The following HELB variants were observed in gnomAD, a reference collection of about 807,000 sequenced individuals.
HELB encodes DNA 5'-3' helicase B.
A neutral mutation model predicts 101.7 loss-of-function variants in HELB; 96 were observed. The ratio of observed to expected loss-of-function variants is 0.94; its 90% CI spans 0.80 to 1.12. The LOEUF is 1.12. Among genes scored for constraint, HELB ranks in the 50% most tolerant of loss-of-function variants. The pLI is 0.00. For missense variants in HELB, 1,210 were observed against 1,291.9 expected, an observed-to-expected ratio of 0.94 and a Z score of 0.97; for synonymous variants, 437 against 459.7, an observed-to-expected ratio of 0.95 and a Z score of 0.63.
chr12:66,302,694 G>A lies in HELB; in HGVS notation c.91G>A (p.Asp31Asn). ...LVEEDDDYLN[D>N]DVEEDEESVF... ...GGAGGAGGACGACGACTACCTAAAC[G>A]ACGACGTGGAGGAGGATGAAGAGTC... Residue 31 changes from aspartate (D) to asparagine (N), a missense_variant, in exon 1 of 13, where the codon GAC becomes AAC. By Grantham distance (23) the Asp-to-Asn change is conservative (BLOSUM62 1). This residue lies in a region of HELB where 470 missense variants were observed against 563.1 expected (regional missense o/e 0.83). Transcript: ENST00000247815. 1 of 1,614,126 alleles carries A rather than the reference G, an allele frequency of 6.2e-7. No individual in the cohort carries two copies. Among genetic ancestry groups the A allele is most frequent in the African/African-American group, 1.3e-5 (1 of 75,060 alleles).
chr12:66,310,662 T>C, intron 4 of HELB, 54 bp downstream of exon 4: 2 of 1,514,792 alleles, frequency 1.3e-6, no homozygotes, highest in Non-Finnish European at 1.8e-6. Flanking sequence ...CCGGGCACAG[T>C]GGCTCACGCC....
In HELB at chr12:66,324,133, T is replaced by C. The variant is rs763600627; in HGVS notation, c.2448T>C (p.Leu816=). The change falls in exon 10 of 13, where the codon CTT becomes CTC. Residue 816 remains leucine (L), a synonymous_variant. Transcript: ENST00000247815. ...GTAGTGAAGACTTTTCTGGTACGCT[T>C]CCTGATTTTGCTAAAAATAAGCGTG... The part of the protein sequence containing the change: ...DASSEDFSGT[L]PDFAKNKRDF... The C allele has an allele frequency of 1.9e-6, 3 of 1,613,976 alleles. No individual in the cohort carries two copies. The South Asian group carries it at 3.3e-5, about 18-fold the overall frequency.
intron 2 of HELB, among the ~76,000 whole-genome samples, chr12:66,305,764 A>G (rs1370632376): frequency 1.3e-5 from 2 of 151,618 alleles, no homozygotes; most frequent in Non-Finnish European, 2.9e-5. Context: ...AAAAAAAATC[A>G]GTTGTAAATG....
At chr12:66,305,785 A>C (rs1592629584) in intron 2 of HELB, among the ~76,000 whole-genome samples, 2 of 152,246 alleles carry the variant, frequency 1.3e-5, no homozygotes, top group Middle Eastern at 6.8e-3. Context: ...ATTCTGTTTA[A>C]AGAGGTAGAG....
chr12:66,309,733 C>A lies in HELB; in HGVS notation c.805C>A (p.Arg269=). 1 of 1,610,668 alleles carries A rather than the reference C, an allele frequency of 6.2e-7. No individual in the cohort carries two copies. Among genetic ancestry groups the A allele is most frequent in the Non-Finnish European group, 8.5e-7 (1 of 1,177,870 alleles). ...KITYREWKLL[R]CEASWIAFCQ... is the part of the protein sequence containing the mutation. ...AACCTACAGAGAGTGGAAACTCCTG[C>A]GATGTGAGGCAAGTTGGATAGCATT... The change falls in exon 4 of 13, where the codon CGA becomes AGA. Residue 269 remains arginine, a synonymous_variant. Transcript: ENST00000247815.
downstream of HELB, chr12:66,342,471 T>C (rs1440073462): frequency 6.6e-6 from 1 of 151,688 alleles, no homozygotes; most frequent in Non-Finnish European, 1.5e-5. Context: ...GCCTCTCAGG[T>C]TCATGCCATT....
chr12:66,334,780 A>AAAATAAAT (rs59458642), intron 12 of HELB, among the ~76,000 whole-genome samples: 1 of 151,072 alleles, frequency 6.6e-6, no homozygotes, highest in African/African-American at 2.4e-5. Context: ...CCCTGTCTCA[A>AAAATAAAT]AAATAAATAA....
intron 10 of HELB, 141 bp from the exon 11 acceptor site, chr12:66,324,842 A>G: frequency 9.9e-7 from 1 of 1,007,112 alleles, no homozygotes; most frequent in South Asian, 1.4e-5. Context: ...CTGAAATGCA[A>G]ATTTTAAGCC....
Position 66,305,113 on chromosome 12 carries a change from C to T in HELB, c.570C>T (p.Phe190=). 6.3e-7 allele frequency: 1 copy of T among 1,583,104 alleles called. No homozygotes were observed. The highest frequency in any genetic ancestry group is 8.5e-7 in the Non-Finnish European group (1 of 1,170,106). ...CACAGAATGGTCAGGAAGAGTTGTT[C>T]CTAGACAATGAGATGAGTCTTCCTC... ...QPTQNGQEEL[F]LDNEMSLPLE... The change falls in exon 2 of 13, where the codon TTC becomes TTT. Residue 190 remains phenylalanine (F), a synonymous_variant. Coordinates refer to ENST00000247815, the MANE Select transcript of HELB (RefSeq NM_001370285.1).
At chr12:66,312,430 C>G (rs1176101789) in intron 4 of HELB, among the ~76,000 whole-genome samples, 1 of 152,202 alleles carries the variant, frequency 6.6e-6, no homozygotes, top group Admixed American at 6.5e-5. Flanking sequence ...CTTATCATAT[C>G]TTGCCTGTTA....
chr12:66,313,043 T>A (rs1171604721), intron 4 of HELB, among the ~76,000 whole-genome samples: 2 of 152,114 alleles, frequency 1.3e-5, no homozygotes. Flanking sequence ...TCTAAGATAA[T>A]AAATTGAATA....
At chr12:66,326,536 C>T (rs776711335) in intron 11 of HELB, among the ~76,000 whole-genome samples, 8 of 152,080 alleles carry the variant, frequency 5.3e-5, no homozygotes, top group South Asian at 4.2e-4. Flanking sequence ...CCACTGCACC[C>T]GGCCCAACCC....
chr12:66,313,519 G>T (rs1253034618), intron 4 of HELB, among the ~76,000 whole-genome samples: 1 of 152,048 alleles, frequency 6.6e-6, no homozygotes, highest in East Asian at 1.9e-4. Context: ...GAATTTTGTT[G>T]TTTATTTGTT....
Position 66,331,415 on chromosome 12 carries a change from C to A in HELB, c.2932C>A (p.Pro978Thr), listed in dbSNP as rs1025406786. 15 of 1,614,068 alleles carry A rather than the reference C, an allele frequency of 9.3e-6. No homozygotes were observed. The highest frequency in any genetic ancestry group is 4.5e-5 in the East Asian group (2 of 44,896). Residue 978 changes from proline to threonine, a missense_variant, in exon 12 of 13, where the codon CCC becomes ACC. By Grantham distance (38) the Pro-to-Thr change is conservative (BLOSUM62 -1). Around this residue, in one of 2 missense-constraint regions of HELB, gnomAD observed 740 missense variants for 728.8 expected, o/e 1.02. Coordinates refer to ENST00000247815, the MANE Select transcript of HELB (RefSeq NM_001370285.1). ...PRKSSGDSGG[P>T]STPSASPLPV... ...GAAGAGCTCTGGAGACAGTGGAGGA[C>A]CCAGCACACCGTCAGCATCTCCACT...
chr12:66,330,426 C>A (rs947018264), intron 11 of HELB, among the ~76,000 whole-genome samples: 2 of 151,762 alleles, frequency 1.3e-5, no homozygotes, highest in Non-Finnish European at 2.9e-5. Flanking sequence ...GGTAGAATTT[C>A]TCTCTTTTTT....
In HELB at chr12:66,331,225, C is replaced by A. The variant is rs768513117; in HGVS notation, c.2742C>A (p.Thr914=). 6.2e-7 allele frequency: 1 copy of A among 1,614,106 alleles called. No individual in the cohort carries two copies. Among genetic ancestry groups the A allele is most frequent in the African/African-American group, 1.3e-5 (1 of 75,050 alleles). ...AGRQHWQHVY[T]AVTRGRCRVY... is the part of the protein sequence containing the mutation. The stretch of plus-strand genomic sequence containing the variant: ...GCCAGCACTGGCAGCATGTCTACAC[C>A]GCCGTGACCAGGGGCCGCTGCCGAG... Residue 914 remains threonine, a synonymous_variant, in exon 12 of 13, where the codon ACC becomes ACA. Transcript: ENST00000247815.
chr12:66,322,902 C>A (rs1402936252), intron 9 of HELB, 119 bp downstream of exon 9: 3 of 556,054 alleles, frequency 5.4e-6, no homozygotes, highest in South Asian at 2.8e-5. Context: ...TTTTTTTTCC[C>A]ATTTGTGAAA....
intron 1 of HELB, among the ~76,000 whole-genome samples, chr12:66,303,493 C>G (rs998358865): frequency 5.3e-5 from 8 of 151,834 alleles, no homozygotes; most frequent in African/African-American, 1.7e-4. Flanking sequence ...ATTAGCCGGG[C>G]GTGATGTCGC....
intron 7 of HELB, among the ~76,000 whole-genome samples, chr12:66,319,782 C>T (rs942600497): frequency 6.6e-6 from 1 of 151,866 alleles, no homozygotes; most frequent in Non-Finnish European, 1.5e-5. Flanking sequence ...AGTGTGTGTC[C>T]CCAGTCTCAC....
Sources: gnomAD v4.1 joint callset for allele counts (sites outside exome capture counted in the v4.1 genomes callset) on GRCh38, gnomAD v4.1.1 for gene constraint, gnomAD v4.1.1 regional missense constraint, MANE v1.5 for transcripts, NCBI Gene and HGNC (gene_info 2026-07-23, HGNC 2026-07-21) for gene names.